The following ZFHX3 variants were observed in gnomAD, a reference collection of about 807,000 sequenced individuals.
The protein encoded by ZFHX3 is zinc finger homeobox protein 3.
Under a neutral mutation model 279.1 loss-of-function variants are expected in ZFHX3, and 42 were observed. That is an observed-to-expected ratio of 0.15 (90% CI 0.12 to 0.19). The LOEUF is 0.19. ZFHX3 is among the 10% of genes least tolerant of loss of function. The probability of loss-of-function intolerance (pLI) is 1.00; values close to 1 mark genes in which losing one functional copy is unlikely to be tolerated. For missense variants in ZFHX3, 4,981 were observed against 4,754.0 expected (o/e 1.05, Z -1.40); for synonymous variants, 2,293 against 1,957.8 (o/e 1.17, Z -4.52).
intron 5 of ZFHX3, among the ~76,000 whole-genome samples, chr16:73,164,935 T>C (rs1967324607): frequency 6.6e-6 from 1 of 152,202 alleles, no homozygotes; most frequent in Non-Finnish European, 1.5e-5. Context: ...GAGTCAAGAT[T>C]CGAATCCAGG....
At chr16:73,333,254 C>A (rs1171312198) in intron 3 of ZFHX3, among the ~76,000 whole-genome samples, 1 of 151,878 alleles carries the variant, frequency 6.6e-6, no homozygotes, top group African/African-American at 2.4e-5. Context: ...GATACCCAGA[C>A]ACAGATAGAA....
At chr16:73,408,957 C>A (rs911570409) in intron 3 of ZFHX3, among the ~76,000 whole-genome samples, 1 of 152,100 alleles carries the variant, frequency 6.6e-6, no homozygotes, top group South Asian at 2.1e-4. Context: ...AATGTTGGCT[C>A]TCTCCCCATT....
At chr16:73,240,797 G>C (rs989348925) in intron 5 of ZFHX3, among the ~76,000 whole-genome samples, 1 of 152,160 alleles carries the variant, frequency 6.6e-6, no homozygotes, top group African/African-American at 2.4e-5. Context: ...TGTGAATAAT[G>C]AGGTAATACA....
intron 3 of ZFHX3, among the ~76,000 whole-genome samples, chr16:73,425,643 G>A (rs2017797308): frequency 6.6e-6 from 1 of 152,108 alleles, no homozygotes; most frequent in Non-Finnish European, 1.5e-5. Context: ...ATGGCAGATG[G>A]GTCGAGCTGA....
At chr16:73,144,812 G>A (rs1157938338) in intron 5 of ZFHX3, among the ~76,000 whole-genome samples, 1 of 152,040 alleles carries the variant, frequency 6.6e-6, no homozygotes, top group East Asian at 1.9e-4. Flanking sequence ...TGCCTGCACT[G>A]AAGAGCATAT....
intron 3 of ZFHX3, among the ~76,000 whole-genome samples, chr16:73,436,253 G>A (rs1255122039): frequency 6.6e-6 from 1 of 152,138 alleles, no homozygotes; most frequent in African/African-American, 2.4e-5. Flanking sequence ...CCTGGGAGGT[G>A]GAGGTTGTGG....
At chr16:73,621,953 A>G (rs898588832) in intron 2 of ZFHX3, among the ~76,000 whole-genome samples, 2 of 152,362 alleles carry the variant, frequency 1.3e-5, no homozygotes, top group Admixed American at 6.5e-5. Flanking sequence ...AGAATTCTAC[A>G]TCAACAGGAA....
At chr16:72,904,414 AT>A (rs1451326021) in intron 3 of ZFHX3, among the ~76,000 whole-genome samples, 25 of 149,080 alleles carry the variant, frequency 1.7e-4, no homozygotes, top group African/African-American at 3.5e-4. Flanking sequence ...AAATAAATAA[AT>A]AAATAAAAAT....
rs1053447199 is a variant in ZFHX3 at position 72,958,424 on chromosome 16, A to T, written c.1722T>A (p.Ser574Arg). ...CTGCCACATTGGCCCTGACGCCCTC[A>T]CTGTTAAAGCTTAAACGATTCCTCC... The part of the protein sequence containing the change: ...ANRRNRLSFN[S>R]EGVRANVAEG... Residue 574 changes from serine (S) to arginine (R), a missense_variant, in exon 2 of 10, where the codon AGT becomes AGA. Ser to Arg is a moderately radical substitution (Grantham distance 110, BLOSUM62 -1). This residue lies in a region of ZFHX3 where 1,068 missense variants were observed against 935.2 expected (regional missense o/e 1.14). Coordinates refer to ENST00000268489, the MANE Select transcript of ZFHX3 (RefSeq NM_006885.4). The T allele has an allele frequency of 3.1e-6, 5 of 1,614,194 alleles. No homozygotes were observed. The highest frequency in any genetic ancestry group is 1.7e-5 in the Admixed American group (1 of 60,026).
At chr16:73,690,389 A>C (rs899884) in intron 1 of ZFHX3, among the ~76,000 whole-genome samples, 135,686 of 152,190 alleles carry the variant, frequency 0.89, 61,632 homozygotes, top group East Asian at 1. Flanking sequence ...GTAAGAAGAA[A>C]ATTTCAAATC....
chr16:73,424,707 T>C (rs1302054147), intron 3 of ZFHX3, among the ~76,000 whole-genome samples: 1 of 140,552 alleles, frequency 7.1e-6, no homozygotes, highest in East Asian at 2.1e-4. Context: ...TGAGCTATGA[T>C]TGCGCCACTG....
At chr16:73,402,969 A>G (rs1360611397) in intron 3 of ZFHX3, among the ~76,000 whole-genome samples, 1 of 152,172 alleles carries the variant, frequency 6.6e-6, no homozygotes, top group Non-Finnish European at 1.5e-5. Context: ...GAGGTAATAG[A>G]GAGAGCTAAC....
At chr16:72,937,513 T>C (rs1960187307) in intron 3 of ZFHX3, among the ~76,000 whole-genome samples, 1 of 152,192 alleles carries the variant, frequency 6.6e-6, no homozygotes, top group Admixed American at 6.5e-5. Context: ...GGAGGGGACA[T>C]GGTGAGTCAA....
At chr16:73,728,926 G>A (rs908021921) in intron 1 of ZFHX3, among the ~76,000 whole-genome samples, 1 of 151,868 alleles carries the variant, frequency 6.6e-6, no homozygotes, top group Non-Finnish European at 1.5e-5. Flanking sequence ...ATATTTCCAT[G>A]TGGCACCCAG....
Position 73,698,864 on chromosome 16 carries a change from TTTTGTTTGTTTG to T in ZFHX3, c.-1607-18636_-1607-18625del, listed in dbSNP as rs3049564. 1.6e-4 allele frequency among the ~76,000 whole-genome samples: 24 copies of T among 150,948 alleles called. 1 individual carries two copies. In the East Asian group the frequency reaches 2.0e-3, roughly 12 times the overall value. ...CAATGCAATTCAAATACAGTTTTAT[TTTTGTTTGTTTG>T]TTTGTTTGTTTGTTTGTTTGTTTTT... is the stretch of plus-strand genomic sequence containing the variant. On this transcript the variant is annotated intron_variant, in intron 1 of 17. Transcript: ENST00000641206.
chr16:73,849,007 T>A (rs1445249655), intron 1 of ZFHX3, among the ~76,000 whole-genome samples: 2 of 152,228 alleles, frequency 1.3e-5, no homozygotes, highest in East Asian at 3.8e-4. Context: ...GTATTTTTAA[T>A]TTCCAGACAC....
intron 4 of ZFHX3, among the ~76,000 whole-genome samples, chr16:73,313,168 G>C (rs937224576): frequency 1.3e-5 from 2 of 152,108 alleles, no homozygotes; most frequent in Non-Finnish European, 2.9e-5. Flanking sequence ...CTCCTGCTCC[G>C]CCATATTAAG....
chr16:73,500,703 A>T (rs1391048277), intron 2 of ZFHX3, among the ~76,000 whole-genome samples: 1 of 151,664 alleles, frequency 6.6e-6, no homozygotes, highest in Non-Finnish European at 1.5e-5. Flanking sequence ...AAAAAAAAAA[A>T]AAAAAACCTC....
chr16:73,505,170 C>A (rs761253512), intron 2 of ZFHX3, among the ~76,000 whole-genome samples: 1 of 152,018 alleles, frequency 6.6e-6, no homozygotes, highest in Non-Finnish European at 1.5e-5. Flanking sequence ...ATTCATCAAC[C>A]CGAGCCTTTT....
Sources: allele counts gnomAD v4.1 joint callset (sites outside exome capture counted in the v4.1 genomes callset), GRCh38; gene constraint gnomAD v4.1.1; regional missense constraint gnomAD v4.1.1; transcripts MANE v1.5; gene names NCBI Gene and HGNC (gene_info 2026-07-23, HGNC 2026-07-21).